Variants in TAFA2 observed in about 807,000 individuals in gnomAD.
TAFA2 encodes TAFA chemokine like family member 2, also known as chemokine-like protein TAFA-2.
TAFA2 carries 7 observed loss-of-function variants against 18.8 expected under a neutral mutation model. The observed-to-expected ratio is 0.37, with a 90% confidence interval of 0.21 to 0.70. The LOEUF (loss-of-function observed/expected upper bound fraction) is 0.70. Ranked by LOEUF, TAFA2 falls within the 30% of genes least tolerant of loss-of-function variation. The probability of loss-of-function intolerance (pLI) is 0.53; values close to 1 mark genes in which losing one functional copy is unlikely to be tolerated. For synonymous variants in TAFA2, 60 were observed against 54.2 expected (o/e 1.11, Z -0.47); for missense variants, 122 against 158.1 (o/e 0.77, Z 1.23).
chr12:61,823,215 C>G (rs867084519), intron 2 of TAFA2, among the ~76,000 whole-genome samples: 1 of 151,732 alleles, frequency 6.6e-6, no homozygotes, highest in Non-Finnish European at 1.5e-5. Context: ...CTCTGTTGTC[C>G]AGGCTGGAGT....
At chr12:61,955,632 A>ATATATTTAT (rs1434243909) in intron 1 of TAFA2, among the ~76,000 whole-genome samples, 16 of 41,202 alleles carry the variant, frequency 3.9e-4, no homozygotes, top group Non-Finnish European at 5.5e-4. Context: ...AAAAAAAAAA[A>ATATATTTAT]ATATATATAT....
At chr12:61,775,975 C>A in intron 2 of TAFA2, 1 of 277,222 alleles carries the variant, frequency 3.6e-6, no homozygotes, top group Non-Finnish European at 7.1e-6. Flanking sequence ...TTTCCTAGCC[C>A]TTTTAGAAAA....
At chr12:61,712,029 G>A (rs934734919) in intron 4 of TAFA2, among the ~76,000 whole-genome samples, 2 of 151,992 alleles carry the variant, frequency 1.3e-5, no homozygotes, top group African/African-American at 4.8e-5. Context: ...GAAAAGACAA[G>A]AAAAGAGAGG....
At position 61,794,915 on chromosome 12, in the gene TAFA2, C is replaced by T. The variant is rs528427539; in HGVS notation, c.107-39891G>A. 4.7e-3 allele frequency among the ~76,000 whole-genome samples: 716 copies of T among 152,098 alleles called. 4 individuals are homozygous for T. The highest frequency in any genetic ancestry group is 0.021 in the South Asian group (101 of 4,816). On this transcript the variant is annotated intron_variant, in intron 2 of 4. Transcript: ENST00000416284. Reference sequence around the variant, plus strand: ...ACAAACAACCCCAATAAAAAGTGGGCGAAGGATATGAACAGACACTTCTCA... The same window carrying T: ...ACAAACAACCCCAATAAAAAGTGGGTGAAGGATATGAACAGACACTTCTCA...
rs375851176 is a variant in TAFA2, at chr12:62,233,512, T to G, written c.-130+25251A>C. Among the ~76,000 whole-genome samples the G allele has an allele frequency of 1.4e-4, 21 of 152,268 alleles. No individual in the cohort carries two copies. The East Asian group carries it at 4.1e-3, about 29-fold the overall frequency. ...CACTCTGATCCTCTCCACGTCCATT[T>G]CTTGGTGAAAGTGCTAGATCATCAA... On this transcript the variant is annotated intron_variant, in intron 1 of 5. Coordinates refer to the TAFA2 transcript ENST00000551619.
At chr12:61,750,991 A>C (rs1868986372) in intron 4 of TAFA2, among the ~76,000 whole-genome samples, 1 of 152,092 alleles carries the variant, frequency 6.6e-6, no homozygotes, top group South Asian at 2.1e-4. Flanking sequence ...ACATTATTGA[A>C]AACAGACATA....
intron 2 of TAFA2, among the ~76,000 whole-genome samples, chr12:61,756,546 G>A (rs1003277492): frequency 6.6e-6 from 1 of 152,004 alleles, no homozygotes; most frequent in African/African-American, 2.4e-5. Context: ...ATCAGCCATG[G>A]TCTTGAGTAC....
intron 4 of TAFA2, among the ~76,000 whole-genome samples, chr12:61,748,195 A>C (rs1868825600): frequency 6.6e-6 from 1 of 152,128 alleles, no homozygotes; most frequent in Non-Finnish European, 1.5e-5. Flanking sequence ...AAACATTATA[A>C]TGCAACCTTA....
At chr12:61,788,383 T>C (rs1004590298) in intron 2 of TAFA2, among the ~76,000 whole-genome samples, 8 of 151,750 alleles carry the variant, frequency 5.3e-5, no homozygotes, top group Non-Finnish European at 2.9e-5. Flanking sequence ...GAACATTTCA[T>C]TCAACAGCTG....
At chr12:61,839,969 T>C (rs952952627) in intron 2 of TAFA2, among the ~76,000 whole-genome samples, 13 of 151,988 alleles carry the variant, frequency 8.6e-5, no homozygotes, top group African/African-American at 2.9e-4. Context: ...GAGGAAAAGA[T>C]TTCAGACAGA....
intron 1 of TAFA2, among the ~76,000 whole-genome samples, chr12:62,063,992 A>C (rs973895504): frequency 6.6e-6 from 1 of 152,078 alleles, no homozygotes; most frequent in Admixed American, 6.6e-5. Context: ...GTTCACTTAC[A>C]TTGTTTCTTA....
chr12:61,801,357 A>G (rs1592397904), intron 2 of TAFA2, among the ~76,000 whole-genome samples: 1 of 152,080 alleles, frequency 6.6e-6, no homozygotes, highest in Non-Finnish European at 1.5e-5. Context: ...ATCACATTAC[A>G]TGACTTCAAA....
At chr12:62,007,682 A>G (rs548268536) in intron 1 of TAFA2, among the ~76,000 whole-genome samples, 1 of 152,264 alleles carries the variant, frequency 6.6e-6, no homozygotes, top group East Asian at 1.9e-4. Flanking sequence ...CACTTTCAGA[A>G]GTGTACTTTT....
chr12:61,860,326 C>T (rs894525281), intron 2 of TAFA2, among the ~76,000 whole-genome samples: 1 of 152,042 alleles, frequency 6.6e-6, no homozygotes, highest in Admixed American at 6.5e-5. Flanking sequence ...GTCCAGAATA[C>T]AGTCAGTTTA....
chr12:61,927,031 C>T (rs531921731), intron 1 of TAFA2, among the ~76,000 whole-genome samples: 15 of 141,624 alleles, frequency 1.1e-4, no homozygotes, highest in African/African-American at 4.0e-4. Context: ...GCCGAGATCG[C>T]ACCACTATAC....
At chr12:62,086,579 T>G (rs1592326821) in intron 1 of TAFA2, among the ~76,000 whole-genome samples, 1 of 151,918 alleles carries the variant, frequency 6.6e-6, no homozygotes, top group East Asian at 1.9e-4. Context: ...GAAATGCAAA[T>G]CAAAACCACA....
At chr12:61,762,444 A>G (rs916408341) in intron 2 of TAFA2, among the ~76,000 whole-genome samples, 1 of 152,000 alleles carries the variant, frequency 6.6e-6, no homozygotes, top group Non-Finnish European at 1.5e-5. Context: ...TAGAGTCTTT[A>G]TGAAGACCAA....
intron 1 of TAFA2, among the ~76,000 whole-genome samples, chr12:62,172,492 A>C (rs1212891833): frequency 6.6e-6 from 1 of 152,242 alleles, no homozygotes; most frequent in African/African-American, 2.4e-5. Flanking sequence ...TATGCCAAAA[A>C]AAGTTTCTAA....
intron 4 of TAFA2, among the ~76,000 whole-genome samples, chr12:61,736,552 T>G (rs1427506293): frequency 6.6e-6 from 1 of 152,038 alleles, no homozygotes; most frequent in African/African-American, 2.4e-5. Context: ...CTTTCTAAAC[T>G]TGCTTTCATC....
Sources: gnomAD v4.1 joint callset for allele counts (sites outside exome capture counted in the v4.1 genomes callset) on GRCh38, gnomAD v4.1.1 for gene constraint, MANE v1.5 for transcripts, NCBI Gene and HGNC (gene_info 2026-07-23, HGNC 2026-07-21) for gene names.